The following ADGRE3 variants were observed in gnomAD, a reference collection of about 807,000 sequenced individuals.
ADGRE3 encodes the protein EGF-like module receptor 3.
Under a neutral mutation model 80.1 loss-of-function variants are expected in ADGRE3, and 88 were observed. The ratio of observed to expected loss-of-function variants is 1.10; its 90% CI spans 0.93 to 1.31. The LOEUF (loss-of-function observed/expected upper bound fraction) is 1.31. ADGRE3 is among the 40% of genes most tolerant of loss of function. ADGRE3 has a pLI of 0.00. For missense variants in ADGRE3, 715 were observed against 776.5 expected (o/e 0.92, Z 0.94); for synonymous variants, 281 against 294.8 (o/e 0.95, Z 0.48).
chr19:14,668,774 G>A (rs1385341282), intron 2 of ADGRE3, 28 bp downstream of exon 2: 1 of 1,609,574 alleles, frequency 6.2e-7, no homozygotes, highest in Non-Finnish European at 8.5e-7. Flanking sequence ...TGGTCCACAA[G>A]TTCTCTGTTC....
chr19:14,624,947 A>AG (rs914044511), intron 15 of ADGRE3, among the ~76,000 whole-genome samples: 1 of 151,740 alleles, frequency 6.6e-6, no homozygotes, highest in African/African-American at 2.4e-5. Flanking sequence ...GGAGAGCATT[A>AG]GGGAAAAGAG....
the ADGRE3 span, among the ~76,000 whole-genome samples, chr19:14,609,235 C>T: frequency 0.039 from 5,882 of 152,268 alleles, 142 homozygotes; most frequent in South Asian, 0.069. Flanking sequence ...TAAGAGAAGC[C>T]TGGACCCCTT....
chr19:14,610,881 C>T, the ADGRE3 span: 1 of 152,098 alleles, frequency 6.6e-6, no homozygotes, highest in Non-Finnish European at 1.5e-5. Flanking sequence ...AGGCTGGTCT[C>T]AAACTCCTGG....
At chr19:14,654,261 G>GTT (rs35198087) in intron 6 of ADGRE3, among the ~76,000 whole-genome samples, 14 of 134,240 alleles carry the variant, frequency 1.0e-4, no homozygotes, top group Non-Finnish European at 1.6e-4. Flanking sequence ...CCCAAAACCT[G>GTT]TTTTTTTTTT....
intron 13 of ADGRE3, among the ~76,000 whole-genome samples, chr19:14,632,289 T>C (rs1051112572): frequency 2.0e-5 from 3 of 152,184 alleles, no homozygotes; most frequent in Non-Finnish European, 4.4e-5. Flanking sequence ...GATTAGCAAA[T>C]TTGAGTTGGT....
chr19:14,603,746 G>A, the ADGRE3 span, among the ~76,000 whole-genome samples: 2 of 152,086 alleles, frequency 1.3e-5, no homozygotes, highest in South Asian at 2.1e-4. Flanking sequence ...GATTACAGGA[G>A]TGAGCCACCG....
downstream of ADGRE3, among the ~76,000 whole-genome samples, chr19:14,617,341 C>CCTCCCTGCCTCTCTTTCTTT: frequency 1.7e-5 from 1 of 57,170 alleles, no homozygotes; most frequent in Non-Finnish European, 3.7e-5. Flanking sequence ...TCCCTCCCTC[C>CCTCCCTGCCTCTCTTTCTTT]CTTTCTTTCT....
intron 10 of ADGRE3, among the ~76,000 whole-genome samples, chr19:14,641,216 T>A (rs1971237882): frequency 6.6e-6 from 1 of 152,234 alleles, no homozygotes; most frequent in Admixed American, 6.6e-5. Context: ...TGAATATATG[T>A]TAATGAACTT....
At chr19:14,674,641 G>A in intron 1 of ADGRE3, 105 bp downstream of exon 1, 3 of 1,177,390 alleles carry the variant, frequency 2.5e-6, no homozygotes, top group Non-Finnish European at 3.7e-6. Context: ...AGGTGAGAGT[G>A]TTCAGAGCAG....
chr19:14,628,348 C>T (rs1027637291), intron 14 of ADGRE3, among the ~76,000 whole-genome samples: 5 of 133,456 alleles, frequency 3.7e-5, no homozygotes, highest in East Asian at 4.0e-4. Flanking sequence ...AGGTGGAGGC[C>T]GAAGAATCGC....
At chr19:14,646,647 C>T (rs1399074239) in intron 8 of ADGRE3, among the ~76,000 whole-genome samples, 1 of 142,884 alleles carries the variant, frequency 7.0e-6, no homozygotes, top group African/African-American at 2.6e-5. Flanking sequence ...TCAGTCACTT[C>T]CCTCTCTCTC....
rs182305696 is a variant in ADGRE3 at position 14,665,949 on chromosome 19, T to C, written c.77-2409A>G. Reference sequence around the variant, plus strand: ...ACACACATATGTGTATATATATATATATATATATATATATATATATATATA... The same window carrying C: ...ACACACATATGTGTATATATATATACATATATATATATATATATATATATA... On this transcript the variant is annotated intron_variant, in intron 2 of 15. Coordinates refer to ENST00000253673, the MANE Select transcript of ADGRE3 (RefSeq NM_032571.5). 1.8e-3 allele frequency among the ~76,000 whole-genome samples: 187 copies of C among 104,206 alleles called. 18 individuals carry two copies. Among genetic ancestry groups the C allele is most frequent in the South Asian group, 6.0e-3 (19 of 3,168 alleles). The allele number at this position is 104,206 out of a possible 152,430, so 68.4% of individuals were successfully genotyped here.
intron 4 of ADGRE3, among the ~76,000 whole-genome samples, chr19:14,660,895 A>G (rs1971928896): frequency 6.6e-6 from 1 of 151,322 alleles, no homozygotes; most frequent in Non-Finnish European, 1.5e-5. Flanking sequence ...GGTTGGGGCA[A>G]AAAAAATGGT....
intron 13 of ADGRE3, among the ~76,000 whole-genome samples, chr19:14,631,987 A>G (rs879632699): frequency 6.6e-6 from 1 of 152,204 alleles, no homozygotes; most frequent in Non-Finnish European, 1.5e-5. Context: ...GAAAACAACA[A>G]ATTACATGCT....
At chr19:14,621,096 C>T (rs969340146) in intron 15 of ADGRE3, among the ~76,000 whole-genome samples, 5 of 151,942 alleles carry the variant, frequency 3.3e-5, no homozygotes, top group Non-Finnish European at 5.9e-5. Context: ...CTCGGCTCAC[C>T]GTAATCTTTG....
intron 8 of ADGRE3, among the ~76,000 whole-genome samples, chr19:14,645,037 C>A (rs371760558): frequency 3.9e-5 from 6 of 152,076 alleles, no homozygotes; most frequent in Non-Finnish European, 8.8e-5. Flanking sequence ...CTATTTTATG[C>A]GGCCACCAGG....
At chr19:14,669,470 G>A (rs554310735) in intron 1 of ADGRE3, among the ~76,000 whole-genome samples, 9 of 151,944 alleles carry the variant, frequency 5.9e-5, no homozygotes, top group East Asian at 1.9e-4. Flanking sequence ...TGCAGGTGTC[G>A]CTTTGATATA....
chr19:14,662,150 T>G, intron 3 of ADGRE3, 32 bp from the exon 4 acceptor site: 1 of 1,610,556 alleles, frequency 6.2e-7, no homozygotes, highest in Non-Finnish European at 8.5e-7. Context: ...GGGTCATTCA[T>G]TCAGCAAAGA....
At chr19:14,625,418 C>A in intron 15 of ADGRE3, 74 bp downstream of exon 15, 5 of 997,638 alleles carry the variant, frequency 5.0e-6, no homozygotes, top group South Asian at 2.8e-5. Context: ...CAAAAAAATC[C>A]CAAACTAGAG....
Sources: allele counts gnomAD v4.1 joint callset (sites outside exome capture counted in the v4.1 genomes callset), GRCh38; gene constraint gnomAD v4.1.1; transcripts MANE v1.5; gene names NCBI Gene and HGNC (gene_info 2026-07-23, HGNC 2026-07-21).